SMARCA2: variants seen among roughly 807,000 people sequenced by gnomAD.
The protein encoded by SMARCA2 is SWI/SNF-related matrix-associated actin-dependent regulator of chromatin subfamily A member 2.
SMARCA2 carries 61 observed loss-of-function variants against 199.8 expected under a neutral mutation model. The observed-to-expected ratio is 0.31, with a 90% CI of 0.25 to 0.38. The LOEUF (loss-of-function observed/expected upper bound fraction) is 0.38, where lower values mean the gene tolerates loss of function less well. Among genes scored for constraint, SMARCA2 ranks in the 10% least tolerant of loss-of-function variants. The pLI is 1.00. For missense variants in SMARCA2, 1,344 were observed against 2,012.2 expected (o/e 0.67, Z 6.35); for synonymous variants, 935 against 732.0 (o/e 1.28, Z -4.48).
At chr9:2,118,399 G>A (rs1008253920) in intron 25 of SMARCA2, among the ~76,000 whole-genome samples, 1 of 152,146 alleles carries the variant, frequency 6.6e-6, no homozygotes, top group Non-Finnish European at 1.5e-5. Flanking sequence ...CCTGCAGTGC[G>A]AAAGACGTTA....
At chr9:2,098,027 T>C (rs1822345873) in intron 21 of SMARCA2, among the ~76,000 whole-genome samples, 1 of 152,254 alleles carries the variant, frequency 6.6e-6, no homozygotes, top group African/African-American at 2.4e-5. Flanking sequence ...AAAGCTATTT[T>C]GCAGGGAGAG....
chr9:2,162,241 A>T (rs562717238), intron 28 of SMARCA2, among the ~76,000 whole-genome samples: 14 of 152,046 alleles, frequency 9.2e-5, no homozygotes, highest in African/African-American at 1.4e-4. Flanking sequence ...GAGTAATATT[A>T]TTTTTTTTAA....
At chr9:2,189,276 G>A (rs577108198) in intron 32 of SMARCA2, among the ~76,000 whole-genome samples, 18 of 152,164 alleles carry the variant, frequency 1.2e-4, no homozygotes, top group African/African-American at 4.3e-4. Flanking sequence ...CTGTTTATAG[G>A]GCTCACCTAA....
At chr9:2,143,489 C>G (rs2376306) in intron 27 of SMARCA2, among the ~76,000 whole-genome samples, 60,994 of 152,012 alleles carry the variant, frequency 0.4, 13,807 homozygotes, top group Non-Finnish European at 0.5. Context: ...TTGAAGAGGT[C>G]AAAGAAAGGG....
chr9:2,147,032 G>C (rs942533588), intron 27 of SMARCA2, among the ~76,000 whole-genome samples: 1 of 152,118 alleles, frequency 6.6e-6, no homozygotes, highest in Non-Finnish European at 1.5e-5. Context: ...ATTCAAGATG[G>C]AGTTGCTCTG....
Position 2,191,254 on chromosome 9 carries a change from C to G in SMARCA2, c.4595-12C>G. The G allele has an allele frequency of 1.2e-6, 2 of 1,613,376 alleles. No homozygotes were observed. The highest frequency in any genetic ancestry group is 1.7e-6 in the Non-Finnish European group (2 of 1,179,540). Reference sequence around the variant, plus strand: ...TACTCACTGGTGTCTATTTCATTTGCTTTGGTTTTAGCAAAATCAGTCAAG... The same window carrying G: ...TACTCACTGGTGTCTATTTCATTTGGTTTGGTTTTAGCAAAATCAGTCAAG... On this transcript the variant is annotated splice_polypyrimidine_tract_variant and intron_variant, in intron 32 of 33. Coordinates refer to ENST00000349721, the MANE Select transcript of SMARCA2 (RefSeq NM_003070.5).
intron 32 of SMARCA2, among the ~76,000 whole-genome samples, chr9:2,189,470 T>G (rs1348995526): frequency 6.6e-6 from 1 of 152,126 alleles, no homozygotes; most frequent in African/African-American, 2.4e-5. Context: ...TTTCCTATAC[T>G]CCTGTGTCAG....
chr9:2,041,037 G>A (rs1306777555), intron 4 of SMARCA2: 3 of 251,240 alleles, frequency 1.2e-5, no homozygotes, highest in African/African-American at 6.7e-5. Context: ...GGCAAGTTCT[G>A]ACATGCAGGT....
At chr9:2,177,777 C>G (rs1255622823) in intron 29 of SMARCA2, among the ~76,000 whole-genome samples, 2 of 152,168 alleles carry the variant, frequency 1.3e-5, no homozygotes, top group East Asian at 3.9e-4. Context: ...GTCTCGAACT[C>G]CTGACCTCAG....
At chr9:2,175,169 T>C (rs1826493134) in intron 29 of SMARCA2, among the ~76,000 whole-genome samples, 1 of 152,126 alleles carries the variant, frequency 6.6e-6, no homozygotes. Context: ...GCAGTGGAGT[T>C]CTGTACCTGC....
At position 2,169,418 on chromosome 9, in the gene SMARCA2, CT is replaced by C. The variant is rs113841957; in HGVS notation, c.4200-992del. On this transcript the variant is annotated intron_variant, in intron 28 of 33. Transcript: ENST00000349721. This position sits in a 1 kb window ranked among gnomAD's most constrained non-coding sequence, Gnocchi z 6.5. The stretch of plus-strand genomic sequence containing the variant: ...AGTCTGAACCTTCGGATCTTCCCAA[CT>C]TTTTTTTTCCAACGCACCCCTCCCA... Among the ~76,000 whole-genome samples, 4,392 of 151,920 alleles carry C rather than the reference CT, an allele frequency of 0.029. 198 individuals are homozygous for C. Among genetic ancestry groups the C allele is most frequent in the African/African-American group, 0.1 (4,127 of 41,434 alleles).
intron 27 of SMARCA2, among the ~76,000 whole-genome samples, chr9:2,155,820 T>A (rs920876913): frequency 2.2e-5 from 3 of 134,118 alleles, no homozygotes; most frequent in African/African-American, 8.2e-5. Flanking sequence ...GAAATTCAGT[T>A]AAGCTGAGGC....
chr9:2,077,799 C>A, intron 14 of SMARCA2, 23 bp downstream of exon 14: 1 of 1,586,452 alleles, frequency 6.3e-7, no homozygotes, highest in Non-Finnish European at 8.6e-7. Context: ...GTTTCAGTTT[C>A]CTTGGCAAGT....
intron 27 of SMARCA2, among the ~76,000 whole-genome samples, chr9:2,150,979 C>G (rs1374478772): frequency 6.6e-6 from 1 of 151,550 alleles, no homozygotes; most frequent in Non-Finnish European, 1.5e-5. Flanking sequence ...AATACAGTCA[C>G]AATCTAAAGT....
chr9:2,180,069 A>G lies in SMARCA2; in HGVS notation c.4254-1502A>G, dbSNP rs561420013. 1.4e-4 allele frequency among the ~76,000 whole-genome samples: 21 copies of G among 152,298 alleles called. No homozygotes were observed. In the South Asian group the frequency reaches 4.4e-3, roughly 32 times the overall value. ...TGTGGCATAAGTTAGGGAAGGACGA[A>G]CGCATTTCTCGAAGAGATGTGAGGG... On this transcript the variant is annotated intron_variant, in intron 29 of 33. Coordinates refer to ENST00000349721, the MANE Select transcript of SMARCA2 (RefSeq NM_003070.5).
At chr9:2,186,318 T>G in intron 32 of SMARCA2, 90 bp downstream of exon 32, 1 of 1,367,172 alleles carries the variant, frequency 7.3e-7, no homozygotes, top group Non-Finnish European at 9.9e-7. Context: ...GACTTTAGAG[T>G]GGGGCAGATC....
In SMARCA2 at chr9:2,186,090, A is replaced by G. The variant is rs1335075156; in HGVS notation, c.4462-6A>G. The stretch of plus-strand genomic sequence containing the variant: ...AGTTTTAACAGATGCCCCTTTGACC[A>G]TTTAGATCTATGAAGACTCCATCGT... On this transcript the variant is annotated splice_region_variant and splice_polypyrimidine_tract_variant and intron_variant, in intron 31 of 33. Coordinates refer to ENST00000349721, the MANE Select transcript of SMARCA2 (RefSeq NM_003070.5). The G allele has an allele frequency of 1.2e-6, 2 of 1,613,544 alleles. No homozygotes were observed. The highest frequency in any genetic ancestry group is 1.7e-6 in the Non-Finnish European group (2 of 1,179,688).
At chr9:2,120,539 C>T (rs1035272218) in intron 26 of SMARCA2, among the ~76,000 whole-genome samples, 1 of 152,202 alleles carries the variant, frequency 6.6e-6, no homozygotes, top group Non-Finnish European at 1.5e-5. Context: ...CAAAACACAA[C>T]TGTGGGCCAA....
In SMARCA2 at chr9:2,084,014, G is replaced by T. The variant is rs1424851814; in HGVS notation, c.2416-72G>T. ...CAGTCACATGTCTGGGCATCATTAA[G>T]CTATGAAAAGTGAGAAATAATGCAC... is the stretch of plus-strand genomic sequence containing the variant. On this transcript the variant is annotated intron_variant, in intron 16 of 33. Coordinates refer to ENST00000349721, the MANE Select transcript of SMARCA2 (RefSeq NM_003070.5). 3.2e-5 allele frequency: 25 copies of T among 778,220 alleles called. No homozygotes were observed. The East Asian group carries it at 5.9e-4, about 18-fold the overall frequency. 48.2% of individuals were successfully genotyped at this position (778,220 alleles called of 1,614,324 possible).
Sources: gnomAD v4.1 joint callset for allele counts (sites outside exome capture counted in the v4.1 genomes callset) on GRCh38, gnomAD v4.1.1 for gene constraint, Gnocchi (gnomAD v3.1) non-coding constraint, MANE v1.5 for transcripts, NCBI Gene and HGNC (gene_info 2026-07-23, HGNC 2026-07-21) for gene names.